ISLR: variants seen among roughly 807,000 people sequenced by gnomAD.
The protein encoded by ISLR is immunoglobulin superfamily containing leucine rich repeat.
ISLR carries 9 observed loss-of-function variants against 11.0 expected under a neutral mutation model. That is an observed-to-expected ratio of 0.82 (90% confidence interval 0.49 to 1.43). The LOEUF is 1.43. Ranked by LOEUF, ISLR falls within the 40% of genes most tolerant of loss-of-function variation. The pLI is 0.00. For missense variants in ISLR, 510 were observed against 576.4 expected (o/e 0.88, Z 1.18); for synonymous variants, 262 against 264.1 (o/e 0.99, Z 0.08).
At chr15:74,174,504 A>C in intron 1 of ISLR, 3 of 191,954 alleles carry the variant, frequency 1.6e-5, no homozygotes, top group Non-Finnish European at 3.1e-5. Flanking sequence ...AGGTTCTGCA[A>C]AGTGCTGGGG....
At chr15:74,174,441 T>G in intron 1 of ISLR, 2 of 162,608 alleles carry the variant, frequency 1.2e-5, no homozygotes, top group Non-Finnish European at 2.5e-5. Flanking sequence ...AAAGCATACC[T>G]ATGGGGGGCT....
Position 74,175,808 on chromosome 15 carries a change from T to G in ISLR, c.950T>G (p.Phe317Cys), listed in dbSNP as rs2072789203. 1.2e-6 allele frequency: 2 copies of G among 1,613,986 alleles called. No individual in the cohort carries two copies. The highest frequency in any genetic ancestry group is 1.7e-5 in the Admixed American group (1 of 60,010). ...FANGSLLIPDFGKLEEGTYSC... is the reference protein window; with the variant it reads ...FANGSLLIPDCGKLEEGTYSC... ...AATGGCAGCCTGCTTATCCCCGACT[T>G]TGGCAAGCTGGAGGAAGGCACCTAC... Residue 317 changes from phenylalanine to cysteine, a missense_variant, in exon 2 of 2, where the codon TTT becomes TGT. By Grantham distance (205) the Phe-to-Cys change is radical. Coordinates refer to ENST00000249842, the MANE Select transcript of ISLR (RefSeq NM_005545.4). This position sits in a 1 kb window ranked among gnomAD's most constrained non-coding sequence, Gnocchi z 4.7.
chr15:74,175,482 C>G lies in ISLR; in HGVS notation c.624C>G (p.Ile208Met), dbSNP rs200075198. The G allele has an allele frequency of 2.7e-5, 43 of 1,610,556 alleles. No homozygotes were observed. Among genetic ancestry groups the G allele is most frequent in the Middle Eastern group, 3.3e-4 (2 of 6,062 alleles). The change falls in exon 2 of 2, where the codon ATC (isoleucine) becomes ATG (methionine). Residue 208 changes from isoleucine (I) to methionine (M), a missense_variant. Transcript: ENST00000249842. This position sits in a 1 kb window ranked among gnomAD's most constrained non-coding sequence, Gnocchi z 4.7. Reference protein sequence around the residue: ...TAVSIPEQDNIACTSPHVLKG... With the variant: ...TAVSIPEQDNMACTSPHVLKG... ...TGTCCATCCCGGAGCAGGACAACAT[C>G]GCCTGCACCTCACCCCATGTGCTCA...
chr15:74,176,040 G>A lies in ISLR; in HGVS notation c.1182G>A (p.Gly394=), dbSNP rs1373340319. The part of the protein sequence containing the change: ...NVVIIYLSRA[G]NPEAAVAEGV... Reference sequence around the variant, plus strand: ...TCATCATCTACCTCAGCCGTGCTGGGAACCCTGAGGCTGCAGTCGCAGAAG... The same window carrying A: ...TCATCATCTACCTCAGCCGTGCTGGAAACCCTGAGGCTGCAGTCGCAGAAG... The change falls in exon 2 of 2, where the codon GGG becomes GGA. Residue 394 remains glycine (G), a synonymous_variant. Transcript: ENST00000249842. 6.2e-7 allele frequency: 1 copy of A among 1,612,864 alleles called. No homozygotes were observed. Among genetic ancestry groups the A allele is most frequent in the East Asian group, 2.2e-5 (1 of 44,848 alleles).
rs777910546 is a variant in ISLR at position 74,175,548 on chromosome 15, G to A, written c.690G>A (p.Ser230=). ...PLSRLPPLPC[S]APSVQLSYQP... ...GCCGCCTGCCGCCACTGCCATGCTC[G>A]GCGCCCTCAGTGCAGCTCAGCTACC... Residue 230 remains serine (S), a synonymous_variant, in exon 2 of 2, where the codon TCG becomes TCA. Transcript: ENST00000249842. The surrounding 1 kb of genome is among the most constrained non-coding windows in gnomAD (Gnocchi z 4.7). 60 of 1,611,502 alleles carry A rather than the reference G, an allele frequency of 3.7e-5. No homozygotes were observed. Among genetic ancestry groups the A allele is most frequent in the Middle Eastern group, 1.7e-4 (1 of 6,058 alleles).
chr15:74,174,665 C>T (rs915595202), intron 1 of ISLR, 186 bp from the exon 2 acceptor site: 8 of 514,684 alleles, frequency 1.6e-5, no homozygotes, highest in Non-Finnish European at 2.7e-5. Context: ...CAAGTCTCCG[C>T]CCTTCTCTTG....
intron 1 of ISLR, 137 bp from the exon 2 acceptor site, chr15:74,174,714 T>A (rs2141982649): frequency 1.6e-6 from 1 of 610,902 alleles, no homozygotes; most frequent in Non-Finnish European, 2.7e-6. Flanking sequence ...GGCGGTGGGC[T>A]AGGTGGTGTT....
rs781227156 is a variant in ISLR, at chr15:74,175,286, G to T, written c.428G>T (p.Arg143Leu). 49 of 1,612,050 alleles carry T rather than the reference G, an allele frequency of 3.0e-5. No homozygotes were observed. Among genetic ancestry groups the T allele is most frequent in the Non-Finnish European group, 3.6e-5 (43 of 1,180,028 alleles). Reference sequence around the variant, plus strand: ...ACCTTCATCCCCCGCGACGCCTTCCGCAGCCTCCGTGCTCTGCGCTCGCTG... The same window carrying T: ...ACCTTCATCCCCCGCGACGCCTTCCTCAGCCTCCGTGCTCTGCGCTCGCTG... ...ELTFIPRDAF[R>L]SLRALRSLQL... The change falls in exon 2 of 2, where the codon CGC becomes CTC. Residue 143 changes from arginine to leucine, a missense_variant. Transcript: ENST00000249842. The surrounding 1 kb of genome is among the most constrained non-coding windows in gnomAD (Gnocchi z 4.7).
rs770226552 is a variant in ISLR, at chr15:74,175,575, AC to A, written c.720del (p.Ser241AlafsTer232). The A allele has an allele frequency of 1.2e-6, 2 of 1,612,920 alleles. No individual in the cohort carries two copies. The highest frequency in any genetic ancestry group is 1.7e-6 in the Non-Finnish European group (2 of 1,179,500). ...SAPSVQLSYQ[P>X]SQDGAELRPG... ...CGCCCTCAGTGCAGCTCAGCTACCAACCCAGCCAGGATGGTGCCGAGCTGCG... is the reference window on the plus strand; with the variant it reads ...CGCCCTCAGTGCAGCTCAGCTACCAACCAGCCAGGATGGTGCCGAGCTGCG... On this transcript the variant is annotated frameshift_variant, in exon 2 of 2. Transcript: ENST00000249842. LOFTEE classifies it high-confidence loss of function. The surrounding 1 kb of genome is among the most constrained non-coding windows in gnomAD (Gnocchi z 4.7).
rs1257179976 is a variant in ISLR, at chr15:74,175,839, C to T, written c.981C>T (p.Cys327=). The stretch of plus-strand genomic sequence containing the variant: ...AGCTGGAGGAAGGCACCTACAGCTG[C>T]CTGGCCACCAATGAGCTGGGCAGTG... ...FGKLEEGTYS[C]LATNELGSAE... The change falls in exon 2 of 2, where the codon TGC becomes TGT. Residue 327 remains cysteine (C), a synonymous_variant. Coordinates refer to ENST00000249842, the MANE Select transcript of ISLR (RefSeq NM_005545.4). The surrounding 1 kb of genome is among the most constrained non-coding windows in gnomAD (Gnocchi z 4.7). 2 of 1,613,944 alleles carry T rather than the reference C, an allele frequency of 1.2e-6. No homozygotes were observed. The highest frequency in any genetic ancestry group is 1.7e-6 in the Non-Finnish European group (2 of 1,180,030).
At position 74,175,284 on chromosome 15, in the gene ISLR, C is replaced by G. The variant is rs144807493; in HGVS notation, c.426C>G (p.Phe142Leu). Residue 142 changes from phenylalanine (F) to leucine (L), a missense_variant, in exon 2 of 2, where the codon TTC becomes TTG. Coordinates refer to ENST00000249842, the MANE Select transcript of ISLR (RefSeq NM_005545.4). The surrounding 1 kb of genome is among the most constrained non-coding windows in gnomAD (Gnocchi z 4.7). ...TGACCTTCATCCCCCGCGACGCCTT[C>G]CGCAGCCTCCGTGCTCTGCGCTCGC... ...NELTFIPRDA[F>L]RSLRALRSLQ... is the part of the protein sequence containing the mutation. 465 of 1,612,426 alleles carry G rather than the reference C, an allele frequency of 2.9e-4. 3 individuals are homozygous for G. In the East Asian group the frequency reaches 0.01, roughly 35 times the overall value.
rs976694645 is a variant in ISLR, at chr15:74,175,801, C to T, written c.943C>T (p.Pro315Ser). 1 of 1,614,106 alleles carries T rather than the reference C, an allele frequency of 6.2e-7. No homozygotes were observed. The highest frequency in any genetic ancestry group is 8.5e-7 in the Non-Finnish European group (1 of 1,180,046). Residue 315 changes from proline (P) to serine (S), a missense_variant, in exon 2 of 2, where the codon CCC becomes TCC. Transcript: ENST00000249842. The surrounding 1 kb of genome is among the most constrained non-coding windows in gnomAD (Gnocchi z 4.7). ...QAFANGSLLI[P>S]DFGKLEEGTY... ...CTTTGCCAATGGCAGCCTGCTTATC[C>T]CCGACTTTGGCAAGCTGGAGGAAGG...
Position 74,174,883 on chromosome 15 carries a change from T to C in ISLR, c.25T>C (p.Trp9Arg). 1.3e-6 allele frequency: 2 copies of C among 1,539,716 alleles called. No individual in the cohort carries two copies. Among genetic ancestry groups the C allele is most frequent in the South Asian group, 2.6e-5 (2 of 77,522 alleles). ...CATGCAGGAGCTGCATCTGCTCTGG[T>C]GGGCGCTTCTCCTGGGCCTGGCTCA... MQELHLLWWALLLGLAQAC... is the reference protein window; with the variant it reads MQELHLLWRALLLGLAQAC... Residue 9 changes from tryptophan to arginine, a missense_variant, in exon 2 of 2, where the codon TGG becomes CGG. By Grantham distance (101) the Trp-to-Arg change is moderately radical (BLOSUM62 -3). Coordinates refer to ENST00000249842, the MANE Select transcript of ISLR (RefSeq NM_005545.4).
rs1412641115 is a variant in ISLR at position 74,175,602 on chromosome 15, G to A, written c.744G>A (p.Arg248=). Reference sequence around the variant, plus strand: ...CCAGCCAGGATGGTGCCGAGCTGCGGCCTGGTTTTGTGCTGGCACTGCACT... The same window carrying A: ...CCAGCCAGGATGGTGCCGAGCTGCGACCTGGTTTTGTGCTGGCACTGCACT... The part of the protein sequence containing the change: ...YQPSQDGAEL[R]PGFVLALHCD... The change falls in exon 2 of 2, where the codon CGG becomes CGA. Residue 248 remains arginine, a synonymous_variant. Transcript: ENST00000249842. This position sits in a 1 kb window ranked among gnomAD's most constrained non-coding sequence, Gnocchi z 4.7. The A allele has an allele frequency of 3.7e-6, 6 of 1,613,740 alleles. No homozygotes were observed. The highest frequency in any genetic ancestry group is 2.7e-5 in the African/African-American group (2 of 74,944).
rs768314274 is a variant in ISLR, at chr15:74,175,895, C to A, written c.1037C>A (p.Thr346Lys). Residue 346 changes from threonine (T) to lysine (K), a missense_variant, in exon 2 of 2, where the codon ACG (threonine) becomes AAG (lysine). Thr to Lys is a moderately conservative substitution (Grantham distance 78, BLOSUM62 -1). Coordinates refer to ENST00000249842, the MANE Select transcript of ISLR (RefSeq NM_005545.4). The surrounding 1 kb of genome is among the most constrained non-coding windows in gnomAD (Gnocchi z 4.7). ...AESSVDVALA[T>K]PGEGGEDTLG... ...AGCTCAGTGGACGTGGCACTGGCCA[C>A]GCCCGGTGAGGGTGGTGAGGACACA... 2 of 1,613,610 alleles carry A rather than the reference C, an allele frequency of 1.2e-6. No homozygotes were observed. The highest frequency in any genetic ancestry group is 2.2e-5 in the South Asian group (2 of 91,010).
chr15:74,174,944 A>C lies in ISLR; in HGVS notation c.86A>C (p.Tyr29Ser). ...GAGCCCTGCGACTGTGGGGAAAAGT[A>C]TGGCTTCCAGATCGCCGACTGTGCC... ...CPEPCDCGEK[Y>S]GFQIADCAYR... The change falls in exon 2 of 2, where the codon TAT becomes TCT. Residue 29 changes from tyrosine (Y) to serine (S), a missense_variant. Tyr to Ser is a moderately radical substitution (Grantham distance 144, BLOSUM62 -2). Coordinates refer to ENST00000249842, the MANE Select transcript of ISLR (RefSeq NM_005545.4). The C allele has an allele frequency of 6.2e-7, 1 of 1,609,602 alleles. No homozygotes were observed. Among genetic ancestry groups the C allele is most frequent in the Non-Finnish European group, 8.5e-7 (1 of 1,178,314 alleles).
rs2072796136 is a variant in ISLR, at chr15:74,176,394, T to C, written c.*249T>C. 1 of 456,152 alleles carries C rather than the reference T, an allele frequency of 2.2e-6. No individual in the cohort carries two copies. 28.3% of individuals were successfully genotyped at this position (456,152 alleles called of 1,614,324 possible). A position where few individuals can be genotyped will look rare whatever the true frequency, so the allele number is the denominator to read the frequency against. On this transcript the variant is annotated 3_prime_UTR_variant, in exon 2 of 2. Transcript: ENST00000249842. ...GCTCATTGCTGCTAACAGCATTGCC[T>C]GTGCTCTCCTCTCAGGGGCAGCATG...
intron 1 of ISLR, 34 bp from the exon 2 acceptor site, chr15:74,174,817 C>T (rs375111580): frequency 4.1e-6 from 6 of 1,478,232 alleles, no homozygotes; most frequent in African/African-American, 1.4e-5. Flanking sequence ...GGCAGGTTCT[C>T]GGGATCCCCT....
chr15:74,176,188 A>G lies in ISLR; in HGVS notation c.*43A>G. On this transcript the variant is annotated 3_prime_UTR_variant, in exon 2 of 2. Transcript: ENST00000249842. ...CTAACTCCTCCCCTTGCCCCTACCA[A>G]TGCCCCTTTAAGTGCTGCAGGGGTC... 6.8e-7 allele frequency: 1 copy of G among 1,480,148 alleles called. No individual in the cohort carries two copies. The allele number at this position is 1,480,148 out of a possible 1,614,324, so 91.7% of individuals were successfully genotyped here.
Sources: allele counts gnomAD v4.1 joint callset, GRCh38; gene constraint gnomAD v4.1.1; non-coding constraint Gnocchi (gnomAD v3.1); transcripts MANE v1.5; gene names NCBI Gene and HGNC (gene_info 2026-07-23, HGNC 2026-07-21).